The following PTPRK variants were observed in gnomAD, a reference collection of about 807,000 sequenced individuals.
PTPRK encodes the protein receptor-type tyrosine-protein phosphatase kappa.
Under a neutral mutation model 178.0 loss-of-function variants are expected in PTPRK, and 75 were observed. The observed-to-expected ratio is 0.42, with a 90% CI of 0.35 to 0.51. The LOEUF (loss-of-function observed/expected upper bound fraction) is 0.51, where lower values mean the gene tolerates loss of function less well. Among genes scored for constraint, PTPRK ranks in the 20% least tolerant of loss-of-function variants. The pLI is 0.02. For missense variants in PTPRK, 1,441 were observed against 1,797.8 expected (o/e 0.80, Z 3.59); for synonymous variants, 637 against 620.6 (o/e 1.03, Z -0.39).
At chr6:127,983,208 TA>T (rs1249982064) in intron 23 of PTPRK, 33 bp downstream of exon 23, 19 of 1,502,138 alleles carry the variant, frequency 1.3e-5, no homozygotes, top group Admixed American at 2.5e-5. Context: ...AAATAAAAAA[TA>T]AAAAAAAGTC....
intron 13 of PTPRK, among the ~76,000 whole-genome samples, chr6:128,019,183 G>A (rs1169557210): frequency 1.3e-5 from 2 of 152,190 alleles, no homozygotes; most frequent in Non-Finnish European, 2.9e-5. Flanking sequence ...AATCTCAGGA[G>A]AGGAAAGTGG....
intron 2 of PTPRK, among the ~76,000 whole-genome samples, chr6:128,383,762 G>T (rs1838288551): frequency 6.6e-6 from 1 of 152,094 alleles, no homozygotes; most frequent in Non-Finnish European, 1.5e-5. Context: ...TAATTCTATT[G>T]TCAAGAACAG....
intron 13 of PTPRK, among the ~76,000 whole-genome samples, chr6:128,057,850 AT>A (rs1780161745): frequency 1.3e-5 from 2 of 152,206 alleles, no homozygotes; most frequent in African/African-American, 2.4e-5. Flanking sequence ...TTAAATCATA[AT>A]ACATCTATAT....
chr6:128,178,097 G>T (rs1030783196), intron 7 of PTPRK, among the ~76,000 whole-genome samples: 2 of 151,822 alleles, frequency 1.3e-5, no homozygotes, highest in South Asian at 4.1e-4. Flanking sequence ...CCATGGCTTT[G>T]TTCAACGGAA....
intron 21 of PTPRK, among the ~76,000 whole-genome samples, chr6:127,988,498 T>TA (rs1339027777): frequency 6.6e-6 from 1 of 151,998 alleles, no homozygotes; most frequent in Non-Finnish European, 1.5e-5. Flanking sequence ...ACTTTAACTT[T>TA]AAAACCATAG....
rs527320009 is a variant in PTPRK at position 128,026,061 on chromosome 6, A to C, written c.2195-16793T>G. ...TTTTAAACAGAATTTTTCAAGGTAT[A>C]GGCTTTAAAAAATTAAGAGAATCCC... On this transcript the variant is annotated intron_variant, in intron 13 of 29. Coordinates refer to ENST00000368226, the MANE Select transcript of PTPRK (RefSeq NM_002844.4). Among the ~76,000 whole-genome samples the C allele has an allele frequency of 1.1e-4, 17 of 152,330 alleles. No homozygotes were observed. In the South Asian group the frequency reaches 3.3e-3, roughly 30 times the overall value.
At chr6:128,122,113 C>T (rs1792565270) in intron 7 of PTPRK, among the ~76,000 whole-genome samples, 2 of 152,068 alleles carry the variant, frequency 1.3e-5, no homozygotes, top group South Asian at 2.1e-4. Flanking sequence ...TACCTGACAT[C>T]TAGATATTTT....
chr6:128,075,880 A>G (rs1323841291), intron 11 of PTPRK, among the ~76,000 whole-genome samples: 2 of 152,016 alleles, frequency 1.3e-5, no homozygotes, highest in East Asian at 1.9e-4. Flanking sequence ...GAAATGCAAA[A>G]TGGCAGAGGC....
At chr6:128,197,314 T>G (rs1159158740) in intron 6 of PTPRK, among the ~76,000 whole-genome samples, 1 of 151,960 alleles carries the variant, frequency 6.6e-6, no homozygotes, top group Non-Finnish European at 1.5e-5. Context: ...ATCTGGGTTT[T>G]AAGCCCCTCA....
chr6:128,023,952 G>A (rs556303027), intron 13 of PTPRK, among the ~76,000 whole-genome samples: 3 of 152,076 alleles, frequency 2.0e-5, no homozygotes, highest in Non-Finnish European at 2.9e-5. Flanking sequence ...TTACAGGCAT[G>A]AGCCACCACA....
At chr6:128,179,650 C>T (rs1801608656) in intron 7 of PTPRK, among the ~76,000 whole-genome samples, 1 of 151,918 alleles carries the variant, frequency 6.6e-6, no homozygotes, top group East Asian at 1.9e-4. Context: ...TGAAACCGAA[C>T]CAACTCTTAG....
chr6:128,248,169 G>A (rs1285249796), intron 3 of PTPRK, among the ~76,000 whole-genome samples: 1 of 152,174 alleles, frequency 6.6e-6, no homozygotes, highest in Non-Finnish European at 1.5e-5. Flanking sequence ...GTTATGACAA[G>A]GTGTGACCTC....
chr6:127,982,723 A>G, intron 24 of PTPRK, 108 bp downstream of exon 24: 1 of 936,566 alleles, frequency 1.1e-6, no homozygotes, highest in Non-Finnish European at 1.6e-6. Flanking sequence ...TATTTAAAAC[A>G]GGATCAAAGG....
chr6:127,993,161 C>A (rs942644234), intron 18 of PTPRK, among the ~76,000 whole-genome samples: 1 of 151,662 alleles, frequency 6.6e-6, no homozygotes, highest in Non-Finnish European at 1.5e-5. Flanking sequence ...TAGAGCTGGA[C>A]AATGCATGTG....
chr6:128,208,852 T>C (rs532111855), intron 6 of PTPRK, among the ~76,000 whole-genome samples: 3 of 152,266 alleles, frequency 2.0e-5, no homozygotes, highest in East Asian at 1.9e-4. Context: ...ACTGGATATG[T>C]TCCTAGCACC....
intron 5 of PTPRK, among the ~76,000 whole-genome samples, chr6:128,225,711 C>A (rs1026237003): frequency 6.6e-6 from 1 of 151,582 alleles, no homozygotes; most frequent in Non-Finnish European, 1.5e-5. Flanking sequence ...TTGAGAGAAG[C>A]ACTGTTTCTT....
intron 1 of PTPRK, among the ~76,000 whole-genome samples, chr6:128,424,352 G>T (rs371894581): frequency 6.6e-6 from 1 of 152,206 alleles, no homozygotes; most frequent in Admixed American, 6.5e-5. Flanking sequence ...GGAAGTTCAG[G>T]CTTGCTCATC....
At chr6:128,391,855 T>A (rs1254662580) in intron 2 of PTPRK, among the ~76,000 whole-genome samples, 1 of 152,034 alleles carries the variant, frequency 6.6e-6, no homozygotes, top group Non-Finnish European at 1.5e-5. Context: ...AAGAGACTCA[T>A]ATCATTACTT....
At position 128,354,925 on chromosome 6, in the gene PTPRK, A is replaced by G. The variant is rs188032609; in HGVS notation, c.224-32615T>C. Reference sequence around the variant, plus strand: ...TTCAAGGTCAGGCTGAAGTAATTACATGCAAATTATAGCATGTTCTTAAAG... The same window carrying G: ...TTCAAGGTCAGGCTGAAGTAATTACGTGCAAATTATAGCATGTTCTTAAAG... On this transcript the variant is annotated intron_variant, in intron 2 of 29. Transcript: ENST00000368226. Among the ~76,000 whole-genome samples, 5 of 152,344 alleles carry G rather than the reference A, an allele frequency of 3.3e-5. 1 individual carries two copies. Among genetic ancestry groups the G allele is most frequent in the African/African-American group, 1.2e-4 (5 of 41,584 alleles).
Sources: allele counts gnomAD v4.1 joint callset (sites outside exome capture counted in the v4.1 genomes callset), GRCh38; gene constraint gnomAD v4.1.1; transcripts MANE v1.5; gene names NCBI Gene and HGNC (gene_info 2026-07-23, HGNC 2026-07-21).